Variants in PIK3R5 observed in about 807,000 individuals in gnomAD.
PIK3R5 encodes the protein phosphoinositide-3-kinase regulatory subunit 5.
In PIK3R5, 32 loss-of-function variants were observed where a neutral mutation model predicts 94.9. The observed-to-expected ratio is 0.34, with a 90% CI of 0.25 to 0.45. The LOEUF is 0.45. Among genes scored for constraint, PIK3R5 ranks in the 20% least tolerant of loss-of-function variants. The pLI is 1.00. For missense variants in PIK3R5, 853 were observed against 1,144.6 expected (o/e 0.75, Z 3.68); for synonymous variants, 443 against 479.4 (o/e 0.92, Z 0.99).
chr17:8,906,726 T>G (rs1199218796), intron 3 of PIK3R5, among the ~76,000 whole-genome samples: 1 of 151,868 alleles, frequency 6.6e-6, no homozygotes, highest in Non-Finnish European at 1.5e-5. Flanking sequence ...GTACTAAAAA[T>G]ACAAAAATTA....
Position 8,893,410 on chromosome 17 carries a change from AT to A in PIK3R5, c.482+175del, listed in dbSNP as rs1180258746. 1.1e-4 allele frequency among the ~76,000 whole-genome samples: 16 copies of A among 152,102 alleles called. No homozygotes were observed. The highest frequency in any genetic ancestry group is 2.2e-4 in the Non-Finnish European group (15 of 68,020). Reference sequence around the variant, plus strand: ...CTAGAAAAACACACCTGGACACAAAATATCACCAGCAGTGCCAGGGGGTTCC... The same window carrying A: ...CTAGAAAAACACACCTGGACACAAAAATCACCAGCAGTGCCAGGGGGTTCC... On this transcript the variant is annotated intron_variant, in intron 6 of 18. Coordinates refer to ENST00000447110, the MANE Select transcript of PIK3R5 (RefSeq NM_001142633.3). The surrounding 1 kb of genome is among the most constrained non-coding windows in gnomAD (Gnocchi z 5.1).
intron 14 of PIK3R5, among the ~76,000 whole-genome samples, chr17:8,885,274 C>A (rs2089792301): frequency 6.6e-6 from 1 of 151,634 alleles, no homozygotes; most frequent in African/African-American, 2.4e-5. Context: ...AGGGCCCTGC[C>A]TTCCAGGCAA....
At chr17:8,953,109 G>A (rs923572089) in intron 1 of PIK3R5, among the ~76,000 whole-genome samples, 2 of 152,106 alleles carry the variant, frequency 1.3e-5, no homozygotes, top group Non-Finnish European at 2.9e-5. Flanking sequence ...GAAGTTGGAC[G>A]CCTCCTTCTT....
chr17:8,890,926 G>T lies in PIK3R5; in HGVS notation c.483-14C>A. The T allele has an allele frequency of 6.2e-7, 1 of 1,611,846 alleles. No homozygotes were observed. The highest frequency in any genetic ancestry group is 8.5e-7 in the Non-Finnish European group (1 of 1,179,468). ...AGCAGCACGGTGCTGGGGACACAGG[G>T]GACCGGCTATGGCACCCAGGGGTGC... On this transcript the variant is annotated splice_polypyrimidine_tract_variant and intron_variant, in intron 6 of 18. Coordinates refer to ENST00000447110, the MANE Select transcript of PIK3R5 (RefSeq NM_001142633.3). This position sits in a 1 kb window ranked among gnomAD's most constrained non-coding sequence, Gnocchi z 6.1.
chr17:8,915,561 G>C (rs139523195), intron 1 of PIK3R5: 1 of 152,372 alleles, frequency 6.6e-6, no homozygotes, highest in African/African-American at 2.4e-5. Context: ...AGGGGATACC[G>C]AGCAACACTC....
At chr17:8,922,211 T>C (rs1292490705) in intron 1 of PIK3R5, among the ~76,000 whole-genome samples, 2 of 151,932 alleles carry the variant, frequency 1.3e-5, no homozygotes, top group Non-Finnish European at 2.9e-5. Flanking sequence ...AAGGTAATTA[T>C]TGAGTGGCTG....
intron 1 of PIK3R5, among the ~76,000 whole-genome samples, chr17:8,927,360 TA>T (rs1224718928): frequency 6.6e-6 from 1 of 152,184 alleles, no homozygotes; most frequent in Non-Finnish European, 1.5e-5. Context: ...GGCCAGGCCG[TA>T]ATGAGGTTCC....
At chr17:8,885,920 G>C (rs2089833706) in intron 14 of PIK3R5, among the ~76,000 whole-genome samples, 1 of 137,806 alleles carries the variant, frequency 7.3e-6, no homozygotes, top group African/African-American at 2.8e-5. Context: ...CCACCTACCG[G>C]ACAACCCCGC....
At chr17:8,936,181 C>A (rs2091072946) in intron 1 of PIK3R5, among the ~76,000 whole-genome samples, 1 of 152,132 alleles carries the variant, frequency 6.6e-6, no homozygotes, top group Non-Finnish European at 1.5e-5. Flanking sequence ...TCTCCTTCCT[C>A]CTCCCACCCA....
At chr17:8,921,370 G>T (rs2151428646) in intron 1 of PIK3R5, among the ~76,000 whole-genome samples, 1 of 152,258 alleles carries the variant, frequency 6.6e-6, no homozygotes, top group Middle Eastern at 3.4e-3. Context: ...AGATATGTGG[G>T]TGAGGTACTT....
chr17:8,900,795 G>A (rs1239635728), intron 5 of PIK3R5, among the ~76,000 whole-genome samples: 1 of 152,132 alleles, frequency 6.6e-6, no homozygotes, highest in African/African-American at 2.4e-5. Context: ...TGCCCAGAAC[G>A]GAGTTTCTAC....
At chr17:8,931,882 C>T (rs917573608) in intron 1 of PIK3R5, among the ~76,000 whole-genome samples, 3 of 152,182 alleles carry the variant, frequency 2.0e-5, no homozygotes, top group Non-Finnish European at 4.4e-5. Context: ...GACATCTAGA[C>T]ATCCATTAAA....
chr17:8,921,352 T>C (rs913059768), intron 1 of PIK3R5, among the ~76,000 whole-genome samples: 1 of 152,214 alleles, frequency 6.6e-6, no homozygotes, highest in African/African-American at 2.4e-5. Flanking sequence ...TTCGAGTAGT[T>C]TCAGGACAGA....
chr17:8,902,069 T>C (rs2090295521), intron 5 of PIK3R5, among the ~76,000 whole-genome samples: 1 of 151,512 alleles, frequency 6.6e-6, no homozygotes, highest in South Asian at 2.1e-4. Context: ...GCCAATTTGA[T>C]AGGGGGGGAA....
At position 8,909,761 on chromosome 17, in the gene PIK3R5, A is replaced by C. The variant is rs901581746; in HGVS notation, c.104-587T>G. Reference sequence around the variant, plus strand: ...TTTAGAGGACAATGAGCTCACTATGACTCCGCTCCCTGTGGAAGCACCAGT... The same window carrying C: ...TTTAGAGGACAATGAGCTCACTATGCCTCCGCTCCCTGTGGAAGCACCAGT... On this transcript the variant is annotated intron_variant, in intron 2 of 18. Coordinates refer to ENST00000447110, the MANE Select transcript of PIK3R5 (RefSeq NM_001142633.3). This position sits in a 1 kb window ranked among gnomAD's most constrained non-coding sequence, Gnocchi z 4.3. 4.0e-5 allele frequency among the ~76,000 whole-genome samples: 6 copies of C among 151,828 alleles called. No homozygotes were observed. The highest frequency in any genetic ancestry group is 7.4e-5 in the Non-Finnish European group (5 of 67,956).
In PIK3R5 at chr17:8,905,687, G is replaced by C. The variant is rs1438430184; in HGVS notation, c.255C>G (p.Phe85Leu). 1 of 1,606,204 alleles carries C rather than the reference G, an allele frequency of 6.2e-7. No individual in the cohort carries two copies. The highest frequency in any genetic ancestry group is 8.5e-7 in the Non-Finnish European group (1 of 1,176,466). Residue 85 changes from phenylalanine (F) to leucine (L), a missense_variant, in exon 4 of 19, where the codon TTC (phenylalanine) becomes TTG (leucine). Around this residue, in one of 6 missense-constraint regions of PIK3R5, gnomAD observed 108 missense variants for 170.1 expected, o/e 0.63. Coordinates refer to ENST00000447110, the MANE Select transcript of PIK3R5 (RefSeq NM_001142633.3). ...YDLLTPLALLFYSTVLCTPHF... is the reference protein window; with the variant it reads ...YDLLTPLALLLYSTVLCTPHF... Reference sequence around the variant, plus strand: ...GACTTACACAAAGAACAGTGGAATAGAAGAGCAGGGCCAGCGGGGTGAGCA... The same window carrying C: ...GACTTACACAAAGAACAGTGGAATACAAGAGCAGGGCCAGCGGGGTGAGCA...
intron 1 of PIK3R5, among the ~76,000 whole-genome samples, chr17:8,931,520 G>A (rs563670784): frequency 1.3e-4 from 20 of 152,316 alleles, no homozygotes; most frequent in Admixed American, 3.9e-4. Flanking sequence ...AGGCACTTCC[G>A]TTGTTTGAAG....
chr17:8,932,068 C>T (rs1022917798), intron 1 of PIK3R5, among the ~76,000 whole-genome samples: 1 of 152,078 alleles, frequency 6.6e-6, no homozygotes, highest in African/African-American at 2.4e-5. Flanking sequence ...AAATGCAATT[C>T]ATTACTAGGG....
intron 1 of PIK3R5, among the ~76,000 whole-genome samples, chr17:8,927,986 C>T (rs1384512686): frequency 6.6e-6 from 1 of 152,184 alleles, no homozygotes. Flanking sequence ...TGGCTTGAGG[C>T]TCTCACCAGA....
Sources: gnomAD v4.1 joint callset for allele counts (sites outside exome capture counted in the v4.1 genomes callset) on GRCh38, gnomAD v4.1.1 for gene constraint, gnomAD v4.1.1 regional missense constraint, Gnocchi (gnomAD v3.1) non-coding constraint, MANE v1.5 for transcripts, NCBI Gene and HGNC (gene_info 2026-07-23, HGNC 2026-07-21) for gene names.